COL5A2: variants seen among roughly 807,000 people sequenced by gnomAD.
COL5A2 encodes the protein collagen type V alpha 2 chain, also known as collagen alpha-2(V) chain.
COL5A2 carries 23 observed loss-of-function variants against 208.2 expected under a neutral mutation model. That is an observed-to-expected ratio of 0.11 (90% CI 0.08 to 0.16). The LOEUF (loss-of-function observed/expected upper bound fraction) is 0.16. COL5A2 is among the 10% of genes least tolerant of loss of function. The pLI, the probability that COL5A2 is intolerant of heterozygous loss-of-function variation, is 1.00. For synonymous variants in COL5A2, 625 were observed against 628.5 expected (o/e 0.99, Z 0.08); for missense variants, 1,590 against 1,956.4 (o/e 0.81, Z 3.53).
At chr2:189,332,427 A>G in the COL5A2 span, among the ~76,000 whole-genome samples, 1 of 152,202 alleles carries the variant, frequency 6.6e-6, no homozygotes. Context: ...AAGAATTGAA[A>G]CCATACAGTT....
chr2:189,133,592 G>T (rs1687768739), intron 1 of COL5A2, among the ~76,000 whole-genome samples: 1 of 152,148 alleles, frequency 6.6e-6, no homozygotes, highest in South Asian at 2.1e-4. Flanking sequence ...AATGGAAAAA[G>T]GAAGACTGAA....
At chr2:189,282,214 C>T in the COL5A2 span, among the ~76,000 whole-genome samples, 1 of 151,488 alleles carries the variant, frequency 6.6e-6, no homozygotes, top group Non-Finnish European at 1.5e-5. Context: ...ATATATATAT[C>T]CATTATTAAT....
At chr2:189,435,936 C>T in the COL5A2 span, among the ~76,000 whole-genome samples, 3 of 152,296 alleles carry the variant, frequency 2.0e-5, no homozygotes, top group Admixed American at 2.0e-4. Flanking sequence ...CCCAAATGTC[C>T]ATCAGTGATA....
At chr2:189,292,875 C>G in the COL5A2 span, among the ~76,000 whole-genome samples, 1 of 152,220 alleles carries the variant, frequency 6.6e-6, no homozygotes, top group Middle Eastern at 3.4e-3. Flanking sequence ...CAATGATAGA[C>G]TGGATTAAGA....
intron 1 of COL5A2, among the ~76,000 whole-genome samples, chr2:189,138,445 T>G (rs1048334488): frequency 1.3e-5 from 2 of 152,170 alleles, no homozygotes; most frequent in Admixed American, 6.5e-5. Flanking sequence ...AAATATTAAC[T>G]CATACATGCT....
chr2:189,077,974 T>A (rs1467756244), intron 16 of COL5A2, among the ~76,000 whole-genome samples: 1 of 152,206 alleles, frequency 6.6e-6, no homozygotes, highest in Non-Finnish European at 1.5e-5. Flanking sequence ...AGAATATGCC[T>A]CCTATACAGG....
chr2:189,142,469 T>C (rs1687952007), intron 1 of COL5A2, among the ~76,000 whole-genome samples: 1 of 152,150 alleles, frequency 6.6e-6, no homozygotes, highest in African/African-American at 2.4e-5. Flanking sequence ...GACTTAATAA[T>C]TGAATGCACT....
chr2:189,278,725 A>C, the COL5A2 span, among the ~76,000 whole-genome samples: 2 of 151,948 alleles, frequency 1.3e-5, no homozygotes, highest in Non-Finnish European at 1.5e-5. Context: ...GACTGCTCTT[A>C]GATACTGATA....
the COL5A2 span, chr2:189,311,216 T>G: frequency 3.1e-6 from 4 of 1,287,982 alleles, no homozygotes; most frequent in East Asian, 2.3e-5. Flanking sequence ...TCTGAACTTT[T>G]TATTGGCCTC....
the COL5A2 span, among the ~76,000 whole-genome samples, chr2:189,242,245 T>G: frequency 6.6e-6 from 1 of 152,350 alleles, no homozygotes; most frequent in East Asian, 1.9e-4. Flanking sequence ...CATTAGATAC[T>G]TACTATTTAT....
At chr2:189,158,219 G>T (rs1688293117) in intron 1 of COL5A2, among the ~76,000 whole-genome samples, 1 of 151,736 alleles carries the variant, frequency 6.6e-6, no homozygotes. Flanking sequence ...GGGTTATTTA[G>T]GTTAAAAACC....
the COL5A2 span, among the ~76,000 whole-genome samples, chr2:189,362,732 G>C: frequency 6.6e-6 from 1 of 151,982 alleles, no homozygotes; most frequent in African/African-American, 2.4e-5. Context: ...CTGCTTAGAG[G>C]AAATATTCAC....
chr2:189,381,077 G>C, the COL5A2 span, among the ~76,000 whole-genome samples: 1 of 151,974 alleles, frequency 6.6e-6, no homozygotes. Flanking sequence ...TGTTATAAAA[G>C]CTGAAAAGTA....
At chr2:189,053,853 G>C (rs370768339) in intron 37 of COL5A2, 42 bp downstream of exon 37, 21 of 1,491,440 alleles carry the variant, frequency 1.4e-5, no homozygotes, top group Non-Finnish European at 1.9e-5. Context: ...TTGTTTTATT[G>C]CTCAATCTCA....
At chr2:189,217,160 T>C (rs1432762280) in intron 1 of COL5A2, among the ~76,000 whole-genome samples, 2 of 152,168 alleles carry the variant, frequency 1.3e-5, no homozygotes, top group African/African-American at 4.8e-5. Context: ...TTTTTGCATT[T>C]ATTCACTTTC....
chr2:189,437,649 TATAC>T, the COL5A2 span, among the ~76,000 whole-genome samples: 1 of 152,178 alleles, frequency 6.6e-6, no homozygotes, highest in East Asian at 1.9e-4. Flanking sequence ...AGGGCAGAGG[TATAC>T]AAGAGAGAAA....
chr2:189,167,791 A>T (rs1232320770), intron 1 of COL5A2, among the ~76,000 whole-genome samples: 1 of 151,778 alleles, frequency 6.6e-6, no homozygotes, highest in Non-Finnish European at 1.5e-5. Context: ...TTTTTAATAG[A>T]GACTTCTATG....
rs145258293 is a variant in COL5A2 at position 189,064,640 on chromosome 2, G to A, written c.1633C>T (p.Arg545Trp). ...GGTCCTGAAGAACCTACAGGACCCC[G>A]TTCTCCTTGAGCACCCTGTACCGAG... ...LPGPKGAQGE[R>W]GPVGSSGPKG... Residue 545 changes from arginine (R) to tryptophan (W), a missense_variant, in exon 25 of 54, where the codon CGG becomes TGG. Transcript: ENST00000374866. 219 of 1,613,214 alleles carry A rather than the reference G, an allele frequency of 1.4e-4. No individual in the cohort carries two copies. The highest frequency in any genetic ancestry group is 5.3e-5 in the Non-Finnish European group (62 of 1,179,512).
the COL5A2 span, among the ~76,000 whole-genome samples, chr2:189,423,041 G>GA: frequency 3.6e-4 from 48 of 133,572 alleles, no homozygotes; most frequent in Non-Finnish European, 7.3e-4. Context: ...AAAAAAAAAA[G>GA]AAAGAAAAGA....
Sources: allele counts gnomAD v4.1 joint callset (sites outside exome capture counted in the v4.1 genomes callset), GRCh38; gene constraint gnomAD v4.1.1; transcripts MANE v1.5; gene names NCBI Gene and HGNC (gene_info 2026-07-23, HGNC 2026-07-21).